The following CHM variants were observed in gnomAD, a reference collection of about 807,000 sequenced individuals.
CHM encodes rab proteins geranylgeranyltransferase component A 1.
In CHM, 10 loss-of-function variants were observed where a neutral mutation model predicts 49.0. That is an observed-to-expected ratio of 0.20 (90% CI 0.13 to 0.35). The LOEUF (loss-of-function observed/expected upper bound fraction) is 0.35. CHM is among the 10% of genes least tolerant of loss of function. The pLI is 1.00. For missense variants in CHM, 455 were observed against 478.4 expected (o/e 0.95, Z 0.46); for synonymous variants, 184 against 167.5 (o/e 1.10, Z -0.76).
At chrX:85,876,584 C>T (rs1196938432) in intron 13 of CHM, among the ~76,000 whole-genome samples, 1 of 111,240 alleles carries the variant, frequency 9.0e-6, no homozygotes, top group African/African-American at 3.3e-5. Context: ...CTCACTTTAT[C>T]TGGTGATTCA....
intron 11 of CHM, 104 bp from the exon 12 acceptor site, chrX:85,894,388 A>G: frequency 1.8e-6 from 1 of 568,367 alleles, no homozygotes; most frequent in Non-Finnish European, 3.0e-6. Context: ...TTTTTCAAAC[A>G]TCATGTCTGA....
intron 6 of CHM, 82 bp from the exon 7 acceptor site, chrX:85,958,057 A>G: frequency 1.8e-6 from 2 of 1,097,167 alleles, no homozygotes; most frequent in Non-Finnish European, 2.5e-6. Flanking sequence ...TCCCCTTTAC[A>G]TATAACAGGA....
intron 2 of CHM, among the ~76,000 whole-genome samples, chrX:85,996,679 T>G (rs190180788): frequency 9.0e-6 from 1 of 111,515 alleles, no homozygotes; most frequent in Admixed American, 9.5e-5. Context: ...CTTATATATA[T>G]AGCTTATCTT....
At chrX:85,937,841 C>CAAA (rs1302686614) in intron 8 of CHM, among the ~76,000 whole-genome samples, 1 of 42,674 alleles carries the variant, frequency 2.3e-5, no homozygotes, top group Non-Finnish European at 4.4e-5. Flanking sequence ...AAGACTGTCT[C>CAAA]AAAAAAAAAA....
At chrX:85,901,316 A>T (rs753926697) in intron 9 of CHM, 128 bp from the exon 10 acceptor site, 7 of 444,940 alleles carry the variant, frequency 1.6e-5, no homozygotes, top group Non-Finnish European at 2.7e-5. Flanking sequence ...ACTTGCCTAC[A>T]ATTCCATGTT....
intron 2 of CHM, among the ~76,000 whole-genome samples, chrX:86,017,956 A>G (rs954276920): frequency 4.7e-4 from 53 of 111,957 alleles, no homozygotes; most frequent in African/African-American, 1.6e-3. Flanking sequence ...AAACAATAAC[A>G]TTAACAAATT....
intron 2 of CHM, among the ~76,000 whole-genome samples, chrX:85,989,559 C>A (rs1170719057): frequency 8.9e-6 from 1 of 111,756 alleles, no homozygotes; most frequent in Non-Finnish European, 1.9e-5. Context: ...AGAGTAAACA[C>A]ACAACCTACA....
At position 85,901,107 on chromosome X, in the gene CHM, G is replaced by A. The variant is rs1394922853; in HGVS notation, c.1326C>T (p.Asn442=). The change falls in exon 10 of 15, where the codon AAC becomes AAT. Residue 442 remains asparagine (N), a synonymous_variant. Coordinates refer to ENST00000357749, the MANE Select transcript of CHM (RefSeq NM_000390.4). ...FLVEDSYFPE[N]MCSRVQYRQI... Reference sequence around the variant, plus strand: ...ACCTGTATTGCACACGTGAGCACATGTTCTCAGGAAAGTAACTGTCCTCCA... The same window carrying A: ...ACCTGTATTGCACACGTGAGCACATATTCTCAGGAAAGTAACTGTCCTCCA... The A allele has an allele frequency of 8.3e-7, 1 of 1,203,366 alleles. No individual in the cohort carries two copies. Among genetic ancestry groups the A allele is most frequent in the Non-Finnish European group, 1.1e-6 (1 of 889,329 alleles).
At chrX:85,932,765 A>G (rs1928511239) in intron 8 of CHM, among the ~76,000 whole-genome samples, 2 of 111,943 alleles carry the variant, frequency 1.8e-5, no homozygotes, top group Non-Finnish European at 3.8e-5. Context: ...AAAGAAGTAC[A>G]TCATAGCATA....
intron 1 of CHM, among the ~76,000 whole-genome samples, chrX:86,040,161 C>T (rs1042689694): frequency 3.6e-5 from 4 of 112,276 alleles, no homozygotes; most frequent in Non-Finnish European, 3.8e-5. Flanking sequence ...AAGCCGTCTG[C>T]GGACAGCAGA....
intron 2 of CHM, among the ~76,000 whole-genome samples, chrX:86,023,492 C>G (rs1329898122): frequency 9.0e-6 from 1 of 111,468 alleles, no homozygotes; most frequent in Non-Finnish European, 1.9e-5. Context: ...AGCCCTCTCA[C>G]TGAGTTAGTT....
At chrX:85,998,995 T>C (rs1334241880) in intron 2 of CHM, among the ~76,000 whole-genome samples, 1 of 111,315 alleles carries the variant, frequency 9.0e-6, no homozygotes, top group Non-Finnish European at 1.9e-5. Context: ...AAAAAAGGTT[T>C]TTTTCAAACC....
At chrX:85,943,538 G>T (rs1004293748) in intron 8 of CHM, among the ~76,000 whole-genome samples, 3 of 111,473 alleles carry the variant, frequency 2.7e-5, no homozygotes, top group Non-Finnish European at 5.7e-5. Flanking sequence ...GCACAGAATT[G>T]GAACATGTTT....
intron 14 of CHM, among the ~76,000 whole-genome samples, chrX:85,871,795 A>C (rs760440403): frequency 8.9e-6 from 1 of 111,871 alleles, no homozygotes. Context: ...CCCTTACTTA[A>C]ATTTTTTTGG....
intron 2 of CHM, among the ~76,000 whole-genome samples, chrX:86,017,508 C>T (rs986033274): frequency 8.1e-5 from 9 of 111,243 alleles, no homozygotes; most frequent in Non-Finnish European, 1.3e-4. Flanking sequence ...TTTTAGCAGG[C>T]GTTTCCACTT....
At chrX:85,919,843 T>A (rs1927673231) in intron 8 of CHM, among the ~76,000 whole-genome samples, 1 of 110,940 alleles carries the variant, frequency 9.0e-6, no homozygotes, top group African/African-American at 3.3e-5. Flanking sequence ...GGAAGCTATG[T>A]GTAGCTCATA....
At chrX:85,965,554 T>C (rs945666903) in intron 4 of CHM, among the ~76,000 whole-genome samples, 3 of 111,455 alleles carry the variant, frequency 2.7e-5, no homozygotes, top group Non-Finnish European at 5.6e-5. Context: ...GGTTTATACG[T>C]GCAGACTATT....
In CHM at chrX:86,033,175, T is replaced by C. The variant is rs781746727; in HGVS notation, c.50-5618A>G. On this transcript the variant is annotated intron_variant, in intron 1 of 14. Coordinates refer to ENST00000357749, the MANE Select transcript of CHM (RefSeq NM_000390.4). The stretch of plus-strand genomic sequence containing the variant: ...CCCATGATATATTCTTAAAATGTAT[T>C]AGTATCTGGGATTGATTTTTCCTAA... Among the ~76,000 whole-genome samples, 7 of 111,509 alleles carry C rather than the reference T, an allele frequency of 6.3e-5. 1 individual carries two copies. The South Asian group carries it at 2.2e-3, about 36-fold the overall frequency.
At chrX:85,940,924 A>C (rs1929066187) in intron 8 of CHM, among the ~76,000 whole-genome samples, 1 of 111,076 alleles carries the variant, frequency 9.0e-6, no homozygotes, top group South Asian at 3.8e-4. Flanking sequence ...TCTACTGAAA[A>C]TTTTGGAACC....
Sources: gnomAD v4.1 joint callset for allele counts (sites outside exome capture counted in the v4.1 genomes callset) on GRCh38, gnomAD v4.1.1 for gene constraint, MANE v1.5 for transcripts, NCBI Gene and HGNC (gene_info 2026-07-23, HGNC 2026-07-21) for gene names.